The following ZNF385B variants were observed in gnomAD, a reference collection of about 807,000 sequenced individuals.
ZNF385B encodes the protein zinc finger protein 385B.
Under a neutral mutation model 39.2 loss-of-function variants are expected in ZNF385B, and 23 were observed. The observed-to-expected ratio is 0.59, with a 90% CI of 0.42 to 0.83. The LOEUF is 0.83. Ranked by LOEUF, ZNF385B falls within the 40% of genes least tolerant of loss-of-function variation. The probability of loss-of-function intolerance (pLI) is 0.00; values close to 1 mark genes in which losing one functional copy is unlikely to be tolerated. For synonymous variants in ZNF385B, 205 were observed against 222.6 expected (o/e 0.92, Z 0.70); for missense variants, 552 against 598.9 (o/e 0.92, Z 0.82).
At chr2:179,624,340 CT>C (rs1335152370) in intron 3 of ZNF385B, among the ~76,000 whole-genome samples, 1 of 152,120 alleles carries the variant, frequency 6.6e-6, no homozygotes, top group East Asian at 1.9e-4. Flanking sequence ...CTAGGATGTT[CT>C]TTACTATGAA....
intron 3 of ZNF385B, among the ~76,000 whole-genome samples, chr2:179,684,647 T>C (rs940144512): frequency 6.6e-6 from 1 of 152,206 alleles, no homozygotes; most frequent in African/African-American, 2.4e-5. Context: ...TCAAGTGATA[T>C]TAGAACCAAC....
chr2:179,827,319 C>T (rs961658392), intron 1 of ZNF385B, among the ~76,000 whole-genome samples: 1 of 152,092 alleles, frequency 6.6e-6, no homozygotes, highest in Non-Finnish European at 1.5e-5. Flanking sequence ...TCCAGATCAC[C>T]TTGGGCCTTC....
intron 5 of ZNF385B, among the ~76,000 whole-genome samples, chr2:179,508,189 C>T (rs1212387167): frequency 6.6e-6 from 1 of 152,162 alleles, no homozygotes; most frequent in Non-Finnish European, 1.5e-5. Flanking sequence ...CAAGCTACAG[C>T]AAACCAAGTA....
At chr2:179,710,416 C>G (rs1317078663) in intron 3 of ZNF385B, among the ~76,000 whole-genome samples, 1 of 152,144 alleles carries the variant, frequency 6.6e-6, no homozygotes, top group Non-Finnish European at 1.5e-5. Flanking sequence ...GGAGGAAGGG[C>G]CTAGAACAGA....
At chr2:179,446,466 G>T in intron 7 of ZNF385B, 59 bp downstream of exon 7, 1 of 1,556,100 alleles carries the variant, frequency 6.4e-7, no homozygotes, top group Admixed American at 1.8e-5. Flanking sequence ...ATGGTATTCT[G>T]ATGGGAAAAG....
intron 3 of ZNF385B, among the ~76,000 whole-genome samples, chr2:179,701,653 T>C (rs1356037824): frequency 6.6e-6 from 1 of 152,202 alleles, no homozygotes; most frequent in Non-Finnish European, 1.5e-5. Context: ...ATTTTTTAAA[T>C]ATTCTAAAGA....
chr2:179,741,368 T>C (rs968940098), intron 3 of ZNF385B, among the ~76,000 whole-genome samples: 12 of 152,120 alleles, frequency 7.9e-5, no homozygotes, highest in South Asian at 2.1e-4. Flanking sequence ...TTAAGGATAT[T>C]AACAAAAAGG....
chr2:179,815,425 G>A (rs868600847), intron 1 of ZNF385B, among the ~76,000 whole-genome samples: 2 of 152,260 alleles, frequency 1.3e-5, no homozygotes, highest in Middle Eastern at 6.8e-3. Context: ...TAGAACTTGA[G>A]AAGAATGATA....
chr2:179,628,740 T>A (rs13004211), intron 3 of ZNF385B, among the ~76,000 whole-genome samples: 23,331 of 152,068 alleles, frequency 0.15, 1,931 homozygotes, highest in East Asian at 0.25. Context: ...AGAGTGATGG[T>A]TTAGGTCTTT....
At chr2:179,514,724 A>C (rs1468958906) in intron 5 of ZNF385B, among the ~76,000 whole-genome samples, 1 of 151,946 alleles carries the variant, frequency 6.6e-6, no homozygotes, top group African/African-American at 2.4e-5. Context: ...CAAATAGGGA[A>C]TGACATGGAG....
At chr2:179,833,851 AC>A (rs1327573276) in intron 1 of ZNF385B, among the ~76,000 whole-genome samples, 1 of 152,212 alleles carries the variant, frequency 6.6e-6, no homozygotes, top group Non-Finnish European at 1.5e-5. Flanking sequence ...TAACTTGTGG[AC>A]ATAGCGTATG....
At chr2:179,777,300 T>C (rs1704383173) in intron 1 of ZNF385B, among the ~76,000 whole-genome samples, 1 of 152,152 alleles carries the variant, frequency 6.6e-6, no homozygotes, top group Non-Finnish European at 1.5e-5. Context: ...ATTGAGACTC[T>C]ATCAGTAGAA....
At chr2:179,475,097 A>C (rs2053256738) in intron 6 of ZNF385B, among the ~76,000 whole-genome samples, 1 of 152,190 alleles carries the variant, frequency 6.6e-6, no homozygotes, top group South Asian at 2.1e-4. Flanking sequence ...TTATGCGGCT[A>C]CTTAGAATTA....
At chr2:179,715,248 CCCATGTCCCA>C (rs1700261258) in intron 3 of ZNF385B, among the ~76,000 whole-genome samples, 1 of 152,134 alleles carries the variant, frequency 6.6e-6, no homozygotes, top group Admixed American at 6.6e-5. Flanking sequence ...CCCCAAACTG[CCCATGTCCCA>C]CCACCATAGG....
At position 179,496,241 on chromosome 2, in the gene ZNF385B, A is replaced by G. The variant is rs533512586; in HGVS notation, c.553-12807T>C. Among the ~76,000 whole-genome samples the G allele has an allele frequency of 2.0e-5, 3 of 152,314 alleles. No homozygotes were observed. In the South Asian group the frequency reaches 6.2e-4, roughly 32 times the overall value. On this transcript the variant is annotated intron_variant, in intron 5 of 9. Transcript: ENST00000410066. The stretch of plus-strand genomic sequence containing the variant: ...AATAGCAGAATTGATGAAGCAGAAG[A>G]AAGAATTAGTGAGCTTGAAAATGGG...
intron 3 of ZNF385B, among the ~76,000 whole-genome samples, chr2:179,693,517 G>A (rs1698506826): frequency 6.6e-6 from 1 of 152,080 alleles, no homozygotes; most frequent in South Asian, 2.1e-4. Context: ...AATTATTTCT[G>A]ACACAGAAAT....
intron 4 of ZNF385B, among the ~76,000 whole-genome samples, chr2:179,536,064 G>A (rs1412285152): frequency 6.6e-6 from 1 of 152,124 alleles, no homozygotes; most frequent in Non-Finnish European, 1.5e-5. Flanking sequence ...TTCTGAGCTG[G>A]TGGGAATGTT....
At chr2:179,840,039 G>A (rs1427206542) in intron 1 of ZNF385B, among the ~76,000 whole-genome samples, 1 of 152,246 alleles carries the variant, frequency 6.6e-6, no homozygotes, top group Non-Finnish European at 1.5e-5. Context: ...GCACAGGGTA[G>A]ACAAGGGTGA....
At chr2:179,605,947 G>C (rs1688765209) in intron 3 of ZNF385B, among the ~76,000 whole-genome samples, 1 of 152,152 alleles carries the variant, frequency 6.6e-6, no homozygotes, top group Non-Finnish European at 1.5e-5. Context: ...ATATCTAGCT[G>C]AGAAGGGCTT....
Sources: allele counts gnomAD v4.1 joint callset (sites outside exome capture counted in the v4.1 genomes callset), GRCh38; gene constraint gnomAD v4.1.1; transcripts MANE v1.5; gene names NCBI Gene and HGNC (gene_info 2026-07-23, HGNC 2026-07-21).